The following MATN2 variants were observed in gnomAD, a reference collection of about 807,000 sequenced individuals.
MATN2 encodes matrilin 2, also known as matrilin-2.
MATN2 carries 69 observed loss-of-function variants against 103.2 expected under a neutral mutation model. The observed-to-expected ratio is 0.67, with a 90% CI of 0.55 to 0.82. The LOEUF is 0.82. Ranked by LOEUF, MATN2 falls within the 40% of genes least tolerant of loss-of-function variation. The probability of loss-of-function intolerance (pLI) is 0.00; values close to 1 mark genes in which losing one functional copy is unlikely to be tolerated. For synonymous variants in MATN2, 429 were observed against 450.2 expected, an observed-to-expected ratio of 0.95 and a Z score of 0.60; for missense variants, 1,023 against 1,211.5, an observed-to-expected ratio of 0.84 and a Z score of 2.31.
intron 6 of MATN2, among the ~76,000 whole-genome samples, chr8:97,993,453 T>C (rs571446058): frequency 6.6e-6 from 1 of 152,134 alleles, no homozygotes; most frequent in Non-Finnish European, 1.5e-5. Context: ...CAATAAAAGT[T>C]TCTTTCCATA....
At chr8:97,919,870 G>C in intron 2 of MATN2, among the ~76,000 whole-genome samples, 1 of 152,210 alleles carries the variant, frequency 6.6e-6, no homozygotes, top group Admixed American at 6.5e-5. Flanking sequence ...GGGAGTGTTG[G>C]GGCTCAGAGG....
At chr8:97,932,477 C>T (rs943435815) in intron 3 of MATN2, among the ~76,000 whole-genome samples, 1 of 152,208 alleles carries the variant, frequency 6.6e-6, no homozygotes, top group African/African-American at 2.4e-5. Flanking sequence ...AGATGCCTCT[C>T]GGAGCCCCTG....
At chr8:97,980,599 C>G (rs570493968) in intron 6 of MATN2, among the ~76,000 whole-genome samples, 4 of 126,032 alleles carry the variant, frequency 3.2e-5, no homozygotes, top group Admixed American at 1.9e-4. Flanking sequence ...GGGTCTTACT[C>G]TGTCACCCAG....
intron 5 of MATN2, among the ~76,000 whole-genome samples, chr8:97,963,051 C>A (rs2130262505): frequency 6.6e-6 from 1 of 152,332 alleles, no homozygotes; most frequent in Non-Finnish European, 1.5e-5. Context: ...AGAAGAATCA[C>A]TTGACCCTGG....
intron 2 of MATN2, among the ~76,000 whole-genome samples, chr8:97,904,997 C>G (rs1819116518): frequency 6.6e-6 from 1 of 152,202 alleles, no homozygotes; most frequent in Admixed American, 6.5e-5. Flanking sequence ...GTAGCAATCA[C>G]AGATATTTTC....
rs568739962 is a variant in MATN2, at chr8:97,931,311, C to T, written c.501C>T (p.Ile167=). Residue 167 remains isoleucine (I), a synonymous_variant, in exon 3 of 19, where the codon ATC becomes ATT. Coordinates refer to ENST00000254898, the MANE Select transcript of MATN2 (RefSeq NM_002380.5). The surrounding 1 kb of genome is among the most constrained non-coding windows in gnomAD (Gnocchi z 4.1). ...LRENVPRVIM[I]VTDGRPQDSV... ...AGAATGTGCCACGGGTCATAATGATCGTGACAGATGGGAGACCTCAGGACT... is the reference window on the plus strand; with the variant it reads ...AGAATGTGCCACGGGTCATAATGATTGTGACAGATGGGAGACCTCAGGACT... The T allele has an allele frequency of 2.0e-4, 329 of 1,613,890 alleles. No individual in the cohort carries two copies. In the South Asian group the frequency reaches 2.3e-3, roughly 11 times the overall value.
At chr8:97,929,419 A>T (rs1810106574) in intron 2 of MATN2, among the ~76,000 whole-genome samples, 1 of 152,184 alleles carries the variant, frequency 6.6e-6, no homozygotes, top group Non-Finnish European at 1.5e-5. Context: ...AAGGGAGTAG[A>T]GAATGGGGGA....
At chr8:97,915,173 G>A (rs1294578471) in intron 2 of MATN2, among the ~76,000 whole-genome samples, 1 of 151,246 alleles carries the variant, frequency 6.6e-6, no homozygotes, top group Non-Finnish European at 1.5e-5. Context: ...TTTTTTTTTT[G>A]TAGTGATGTG....
chr8:98,003,818 G>A, intron 8 of MATN2, 35 bp downstream of exon 8: 1 of 1,612,704 alleles, frequency 6.2e-7, no homozygotes, highest in Non-Finnish European at 8.5e-7. Context: ...GCTGATGGAA[G>A]GTGGGGTCCA....
chr8:98,013,593 T>C (rs980400261), intron 10 of MATN2, among the ~76,000 whole-genome samples: 7 of 152,182 alleles, frequency 4.6e-5, no homozygotes, highest in African/African-American at 1.7e-4. Flanking sequence ...GGAAAAAGTC[T>C]AAAGGCCCAG....
At chr8:97,968,342 AG>A (rs1811549288) in intron 5 of MATN2, among the ~76,000 whole-genome samples, 3 of 152,314 alleles carry the variant, frequency 2.0e-5, no homozygotes, top group African/African-American at 7.2e-5. Flanking sequence ...TAATCTCTCT[AG>A]CAAGTGGTTG....
At chr8:98,001,354 G>A (rs1477312187) in intron 7 of MATN2, among the ~76,000 whole-genome samples, 1 of 151,912 alleles carries the variant, frequency 6.6e-6, no homozygotes, top group Admixed American at 6.6e-5. Context: ...TCACCTCTTG[G>A]TTACAAGATG....
intron 16 of MATN2, 78 bp from the exon 17 acceptor site, chr8:98,032,964 G>A: frequency 7.1e-7 from 1 of 1,410,346 alleles, no homozygotes; most frequent in Non-Finnish European, 9.5e-7. Context: ...GGAATACCAA[G>A]TACCTTACTC....
chr8:97,980,849 A>G (rs1003660646), intron 6 of MATN2, among the ~76,000 whole-genome samples: 7 of 152,006 alleles, frequency 4.6e-5, no homozygotes, highest in Admixed American at 2.0e-4. Context: ...GAATACAGGC[A>G]TGAGCCACAG....
intron 2 of MATN2, among the ~76,000 whole-genome samples, chr8:97,905,083 G>A (rs1191140411): frequency 6.6e-6 from 1 of 152,148 alleles, no homozygotes; most frequent in Admixed American, 6.6e-5. Context: ...ACACTAGTTA[G>A]TAGACCCGCC....
chr8:97,984,514 C>T (rs929964779), intron 6 of MATN2, among the ~76,000 whole-genome samples: 1 of 152,064 alleles, frequency 6.6e-6, no homozygotes, highest in African/African-American at 2.4e-5. Context: ...TGTAACTGGC[C>T]GAATGTCTGT....
intron 13 of MATN2, among the ~76,000 whole-genome samples, chr8:98,024,394 A>G (rs762333344): frequency 6.6e-6 from 1 of 152,246 alleles, no homozygotes; most frequent in South Asian, 2.1e-4. Flanking sequence ...GGCTCTAGCT[A>G]CTTGGGAGGC....
intron 2 of MATN2, among the ~76,000 whole-genome samples, chr8:97,910,096 C>G (rs1448633174): frequency 2.7e-5 from 4 of 148,032 alleles, no homozygotes; most frequent in Non-Finnish European, 5.9e-5. Flanking sequence ...GGGTCTTGCT[C>G]TGTTGCCCAG....
At chr8:97,974,804 AG>A (rs1811778597) in intron 5 of MATN2, among the ~76,000 whole-genome samples, 1 of 152,224 alleles carries the variant, frequency 6.6e-6, no homozygotes, top group Admixed American at 6.5e-5. Flanking sequence ...TGACACATAC[AG>A]GTTTGGAAAC....
Sources: allele counts gnomAD v4.1 joint callset (sites outside exome capture counted in the v4.1 genomes callset), GRCh38; gene constraint gnomAD v4.1.1; non-coding constraint Gnocchi (gnomAD v3.1); transcripts MANE v1.5; gene names NCBI Gene and HGNC (gene_info 2026-07-23, HGNC 2026-07-21).